Variants in LMNB2 observed in about 807,000 individuals in gnomAD.
LMNB2 encodes lamin B2, also known as lamin-B2.
In LMNB2, 17 loss-of-function variants were observed where a neutral mutation model predicts 69.3. The observed-to-expected ratio is 0.25, with a 90% CI of 0.17 to 0.37. LMNB2 has a LOEUF of 0.37. LMNB2 is among the 10% of genes least tolerant of loss of function. The pLI is 1.00. For synonymous variants in LMNB2, 397 were observed against 389.3 expected (o/e 1.02, Z -0.23); for missense variants, 789 against 883.6 (o/e 0.89, Z 1.36).
chr19:2,432,871 T>A (rs867746766), intron 8 of LMNB2, among the ~76,000 whole-genome samples: 245 of 57,546 alleles, frequency 4.3e-3, no homozygotes, highest in South Asian at 5.2e-3. Context: ...TGCCCCGGTC[T>A]TTCCGGTCAC....
chr19:2,455,956 G>T (rs1223810991), intron 1 of LMNB2, among the ~76,000 whole-genome samples: 4 of 146,060 alleles, frequency 2.7e-5, no homozygotes, highest in Non-Finnish European at 6.0e-5. Context: ...CCCCCAAGCC[G>T]GGACCCTTCC....
chr19:2,439,429 T>G (rs1215523668), intron 2 of LMNB2, among the ~76,000 whole-genome samples: 1 of 152,046 alleles, frequency 6.6e-6, no homozygotes, highest in Non-Finnish European at 1.5e-5. Flanking sequence ...ACTGCTGACA[T>G]TTGGGGTGGT....
chr19:2,434,526 G>T lies in LMNB2; in HGVS notation c.982-11C>A. The T allele has an allele frequency of 1.9e-6, 3 of 1,610,344 alleles. No homozygotes were observed. The highest frequency in any genetic ancestry group is 1.7e-6 in the Non-Finnish European group (2 of 1,179,594). On this transcript the variant is annotated splice_polypyrimidine_tract_variant and intron_variant, in intron 6 of 11. Transcript: ENST00000325327. The stretch of plus-strand genomic sequence containing the variant: ...TTCAGCGGCACTGGCCTGCGGAGGG[G>T]GCGGGTGGCGAAGGTCAGGGCAGCC...
At chr19:2,449,554 C>T (rs1056697390) in intron 1 of LMNB2, among the ~76,000 whole-genome samples, 4 of 151,232 alleles carry the variant, frequency 2.6e-5, no homozygotes, top group Non-Finnish European at 4.4e-5. Context: ...CTGAGGCGGG[C>T]GAATTACTTG....
In LMNB2 at chr19:2,434,511, C is replaced by G; in HGVS notation, c.986G>C (p.Ser329Thr). The part of the protein sequence containing the change: ...YQLSGLQKQA[S>T]AAEDRIRELE... ...CTCCCGAATGCGATCTTCAGCGGCACTGGCCTGCGGAGGGGGCGGGTGGCG... is the reference window on the plus strand; with the variant it reads ...CTCCCGAATGCGATCTTCAGCGGCAGTGGCCTGCGGAGGGGGCGGGTGGCG... Residue 329 changes from serine (S) to threonine (T), a missense_variant, in exon 7 of 12, where the codon AGT becomes ACT. Ser to Thr is a moderately conservative substitution (Grantham distance 58, BLOSUM62 1). This residue lies in a region of LMNB2 where 609 missense variants were observed against 630.9 expected (regional missense o/e 0.97). Transcript: ENST00000325327. The G allele has an allele frequency of 6.2e-7, 1 of 1,612,282 alleles. No homozygotes were observed. The highest frequency in any genetic ancestry group is 1.3e-5 in the African/African-American group (1 of 75,060).
intron 2 of LMNB2, among the ~76,000 whole-genome samples, chr19:2,441,293 C>T (rs11880313): frequency 0.031 from 4,672 of 152,334 alleles, 259 homozygotes; most frequent in African/African-American, 0.11. Context: ...GCCGCTCTGG[C>T]GCTGGACCTG....
At position 2,434,468 on chromosome 19, in the gene LMNB2, G is replaced by A. The variant is rs749052582; in HGVS notation, c.1029C>T (p.Ala343=). The A allele has an allele frequency of 8.1e-6, 13 of 1,613,150 alleles. No individual in the cohort carries two copies. The highest frequency in any genetic ancestry group is 1.6e-4 in the Middle Eastern group (1 of 6,084). ...DRIRELEEAM[A]GERDKFRKML... is the part of the protein sequence containing the mutation. ...TCTTCCGGAACTTGTCCCGCTCCCCGGCCATGGCCTCCTCCAGCTCCCGAA... is the reference window on the plus strand; with the variant it reads ...TCTTCCGGAACTTGTCCCGCTCCCCAGCCATGGCCTCCTCCAGCTCCCGAA... The change falls in exon 7 of 12, where the codon GCC becomes GCT. Residue 343 remains alanine, a synonymous_variant. Coordinates refer to ENST00000325327, the MANE Select transcript of LMNB2 (RefSeq NM_032737.4).
chr19:2,441,326 A>G (rs1004055622), intron 2 of LMNB2, among the ~76,000 whole-genome samples: 2 of 152,228 alleles, frequency 1.3e-5, no homozygotes, highest in Non-Finnish European at 2.9e-5. Context: ...CTCTCCACAC[A>G]CTAGAGGTGT....
intron 2 of LMNB2, 62 bp downstream of exon 2, chr19:2,444,342 G>C: frequency 1.2e-6 from 2 of 1,602,830 alleles, no homozygotes; most frequent in South Asian, 2.2e-5. Flanking sequence ...GCGCCCACCT[G>C]CCCCCGTCCA....
At position 2,454,562 on chromosome 19, in the gene LMNB2, G is replaced by C. The variant is rs148554156; in HGVS notation, c.264+2108C>G. 7.7e-4 allele frequency among the ~76,000 whole-genome samples: 117 copies of C among 152,212 alleles called. 1 individual carries two copies. The East Asian group carries it at 0.02, about 25-fold the overall frequency. Reference sequence around the variant, plus strand: ...AGCGACTAGCCCAAGGTCACACAGAGGGTAAGTGGCTCCCAGAAATGACCC... The same window carrying C: ...AGCGACTAGCCCAAGGTCACACAGACGGTAAGTGGCTCCCAGAAATGACCC... On this transcript the variant is annotated intron_variant, in intron 1 of 11. Coordinates refer to ENST00000325327, the MANE Select transcript of LMNB2 (RefSeq NM_032737.4).
At chr19:2,432,020 C>G (rs1469368347) in intron 9 of LMNB2, 118 bp from the exon 10 acceptor site, 1 of 1,324,090 alleles carries the variant, frequency 7.6e-7, no homozygotes, top group Non-Finnish European at 1.0e-6. Flanking sequence ...GTCCTTCCAG[C>G]CCGACGCAGG....
At chr19:2,432,276 G>A in intron 9 of LMNB2, 140 bp downstream of exon 9, 1 of 748,794 alleles carries the variant, frequency 1.3e-6, no homozygotes, top group Non-Finnish European at 2.3e-6. Context: ...GAGGTTCTAT[G>A]ACTGCGGCAG....
chr19:2,450,713 C>T (rs1972012183), intron 1 of LMNB2, among the ~76,000 whole-genome samples: 1 of 151,996 alleles, frequency 6.6e-6, no homozygotes, highest in Non-Finnish European at 1.5e-5. Context: ...TCTGAGCTCA[C>T]AGCAACCTCT....
At chr19:2,450,307 A>G (rs1972007554) in intron 1 of LMNB2, among the ~76,000 whole-genome samples, 1 of 152,062 alleles carries the variant, frequency 6.6e-6, no homozygotes. Flanking sequence ...CCTGGGAGAC[A>G]GTGACGTAGT....
At position 2,438,419 on chromosome 19, in the gene LMNB2, C is replaced by A; in HGVS notation, c.514G>T (p.Gly172Cys). The A allele has an allele frequency of 6.2e-7, 1 of 1,612,744 alleles. No homozygotes were observed. The highest frequency in any genetic ancestry group is 1.3e-5 in the African/African-American group (1 of 75,048). ...AGCTCAGCCACGTCACTCTCCAGGCCGCGCTTGTCGCTGAGGGCAGCTGCC... is the reference window on the plus strand; with the variant it reads ...AGCTCAGCCACGTCACTCTCCAGGCAGCGCTTGTCGCTGAGGGCAGCTGCC... ...ELAAALSDKR[G>C]LESDVAELRA... The change falls in exon 3 of 12, where the codon GGC (glycine) becomes TGC (cysteine). Residue 172 changes from glycine (G) to cysteine (C), a missense_variant. Physicochemically the swap from Gly to Cys is radical, Grantham distance 159. This residue lies in a region of LMNB2 where 145 missense variants were observed against 228.9 expected (regional missense o/e 0.63). Transcript: ENST00000325327.
intron 1 of LMNB2, among the ~76,000 whole-genome samples, chr19:2,448,850 A>G (rs1322135351): frequency 1.3e-5 from 2 of 152,198 alleles, no homozygotes; most frequent in Non-Finnish European, 2.9e-5. Context: ...ACTTCAAAAA[A>G]TAAAAAGAAA....
chr19:2,436,198 G>A (rs373228595), intron 4 of LMNB2, among the ~76,000 whole-genome samples: 91 of 152,210 alleles, frequency 6.0e-4, no homozygotes, highest in African/African-American at 2.1e-3. Flanking sequence ...CAGGAGAATC[G>A]CTTGAACCCA....
At chr19:2,433,759 C>G in intron 8 of LMNB2, 67 bp downstream of exon 8, 1 of 1,594,046 alleles carries the variant, frequency 6.3e-7, no homozygotes, top group Non-Finnish European at 8.6e-7. Context: ...GCCCCGTCAC[C>G]CTGACCCTGG....
intron 1 of LMNB2, among the ~76,000 whole-genome samples, chr19:2,448,978 C>T (rs1971989823): frequency 6.6e-6 from 1 of 152,224 alleles, no homozygotes; most frequent in Non-Finnish European, 1.5e-5. Flanking sequence ...CAGCCTCAAA[C>T]TCTGGGCTCA....
Sources: allele counts gnomAD v4.1 joint callset (sites outside exome capture counted in the v4.1 genomes callset), GRCh38; gene constraint gnomAD v4.1.1; regional missense constraint gnomAD v4.1.1; transcripts MANE v1.5; gene names NCBI Gene and HGNC (gene_info 2026-07-23, HGNC 2026-07-21).